The following TBL1X variants were observed in gnomAD, a reference collection of about 807,000 sequenced individuals.
TBL1X encodes F-box-like/WD repeat-containing protein TBL1X.
In TBL1X, 10 loss-of-function variants were observed where a neutral mutation model predicts 50.7. The ratio of observed to expected loss-of-function variants is 0.20; its 90% CI spans 0.12 to 0.33. The LOEUF is 0.33. Among genes scored for constraint, TBL1X ranks in the 10% least tolerant of loss-of-function variants. The pLI is 1.00. For synonymous variants in TBL1X, 190 were observed against 214.7 expected, an observed-to-expected ratio of 0.88 and a Z score of 1.01; for missense variants, 340 against 504.4, an observed-to-expected ratio of 0.67 and a Z score of 3.12.
intron 5 of TBL1X, among the ~76,000 whole-genome samples, chrX:9,675,021 G>T (rs754196560): frequency 9.0e-6 from 1 of 111,493 alleles, no homozygotes; most frequent in African/African-American, 3.3e-5. Context: ...TCTATTGTTC[G>T]CATAACATAC....
At chrX:9,608,968 A>G (rs772538001) in intron 2 of TBL1X, among the ~76,000 whole-genome samples, 1 of 111,699 alleles carries the variant, frequency 9.0e-6, no homozygotes, top group South Asian at 3.7e-4. Context: ...TAAATATTTA[A>G]TGTTGTGTTT....
intron 1 of TBL1X, among the ~76,000 whole-genome samples, chrX:9,491,338 A>ATATATATATATT (rs1328551249): frequency 2.9e-4 from 9 of 31,312 alleles, no homozygotes; most frequent in African/African-American, 3.5e-4. Flanking sequence ...ATATATATAT[A>ATATATATATATT]TTTTTTTTTT....
chrX:9,469,864 G>A (rs1267005259), intron 1 of TBL1X, among the ~76,000 whole-genome samples: 1 of 112,370 alleles, frequency 8.9e-6, no homozygotes, highest in African/African-American at 3.2e-5. Flanking sequence ...ATGGTGGAAT[G>A]CCTTAGGTGA....
intron 2 of TBL1X, among the ~76,000 whole-genome samples, chrX:9,503,961 G>A (rs1196851471): frequency 8.9e-6 from 1 of 111,875 alleles, no homozygotes; most frequent in African/African-American, 3.2e-5. Flanking sequence ...AACGGGTCCT[G>A]CTCCCTGTGT....
At chrX:9,478,697 A>T (rs1171764332) in intron 1 of TBL1X, among the ~76,000 whole-genome samples, 1 of 112,374 alleles carries the variant, frequency 8.9e-6, no homozygotes, top group Non-Finnish European at 1.9e-5. Flanking sequence ...GCAGATTCCC[A>T]GTTACTCCCG....
Position 9,623,144 on chromosome X carries a change from C to T in TBL1X, c.-130-17129C>T, listed in dbSNP as rs145191114. 7.5e-3 allele frequency among the ~76,000 whole-genome samples: 844 copies of T among 111,999 alleles called. 4 individuals are homozygous for T. Among genetic ancestry groups the T allele is most frequent in the Middle Eastern group, 0.037 (8 of 217 alleles). ...ATGATTTGATGCAAAGGTTAACCCACTGTATCCTGCAAGCCAAATTTAGCC... is the reference window on the plus strand; with the variant it reads ...ATGATTTGATGCAAAGGTTAACCCATTGTATCCTGCAAGCCAAATTTAGCC... On this transcript the variant is annotated intron_variant, in intron 2 of 17. Coordinates refer to ENST00000645353, the MANE Select transcript of TBL1X (RefSeq NM_005647.4).
At chrX:9,573,357 A>G (rs900938478) in intron 2 of TBL1X, among the ~76,000 whole-genome samples, 1 of 112,348 alleles carries the variant, frequency 8.9e-6, no homozygotes, top group African/African-American at 3.2e-5. Context: ...TTTCTCTAAA[A>G]CACCAACTTT....
intron 2 of TBL1X, among the ~76,000 whole-genome samples, chrX:9,604,822 A>G (rs1386420418): frequency 2.7e-5 from 3 of 110,651 alleles, no homozygotes; most frequent in Non-Finnish European, 5.7e-5. Context: ...CTGGCCATAG[A>G]GGGTCAGGAG....
intron 2 of TBL1X, among the ~76,000 whole-genome samples, chrX:9,589,457 G>A (rs1299122450): frequency 2.7e-5 from 3 of 109,752 alleles, no homozygotes; most frequent in Non-Finnish European, 5.7e-5. Flanking sequence ...CACAAAACCC[G>A]GTCTTGATTG....
At chrX:9,716,157 C>A (rs2083277102) in intron 17 of TBL1X, 63 bp from the exon 18 acceptor site, 2 of 1,167,822 alleles carry the variant, frequency 1.7e-6, no homozygotes, top group South Asian at 3.7e-5. Context: ...TTGCCGACTT[C>A]TCACTCTAAA....
chrX:9,583,930 T>C (rs2082454990), intron 2 of TBL1X, among the ~76,000 whole-genome samples: 1 of 111,518 alleles, frequency 9.0e-6, no homozygotes, highest in African/African-American at 3.3e-5. Context: ...ATGAGAAAAA[T>C]GAAAAAAGAC....
chrX:9,597,997 T>C (rs1951587474), intron 2 of TBL1X, among the ~76,000 whole-genome samples: 1 of 112,195 alleles, frequency 8.9e-6, no homozygotes, highest in South Asian at 3.7e-4. Flanking sequence ...CATCTCAGAA[T>C]GTGAGCTTAT....
At chrX:9,579,119 G>C (rs1239542236) in intron 2 of TBL1X, among the ~76,000 whole-genome samples, 1 of 111,958 alleles carries the variant, frequency 8.9e-6, no homozygotes, top group Non-Finnish European at 1.9e-5. Context: ...GAGATGGAAA[G>C]TAAAACCACA....
chrX:9,538,318 G>A (rs1165602473), intron 2 of TBL1X, among the ~76,000 whole-genome samples: 4 of 111,583 alleles, frequency 3.6e-5, no homozygotes, highest in African/African-American at 9.8e-5. Context: ...GCAGAAAAGC[G>A]GTTCAGATTT....
intron 2 of TBL1X, among the ~76,000 whole-genome samples, chrX:9,610,054 A>G: frequency 8.9e-6 from 1 of 112,732 alleles, no homozygotes; most frequent in Admixed American, 9.4e-5. Flanking sequence ...CAAACCATGC[A>G]TCTTCATGTC....
chrX:9,596,023 G>A (rs747197017), intron 2 of TBL1X, among the ~76,000 whole-genome samples: 2 of 112,065 alleles, frequency 1.8e-5, no homozygotes, highest in East Asian at 5.6e-4. Flanking sequence ...TAAGTGTGTT[G>A]TTTTTTTCTT....
At chrX:9,553,487 G>T (rs2082280585) in intron 2 of TBL1X, among the ~76,000 whole-genome samples, 1 of 111,965 alleles carries the variant, frequency 8.9e-6, no homozygotes, top group Admixed American at 9.5e-5. Context: ...CTTTGTGACA[G>T]CAGCAACAGG....
At chrX:9,565,885 G>T (rs1682415030) in intron 2 of TBL1X, among the ~76,000 whole-genome samples, 1 of 111,573 alleles carries the variant, frequency 9.0e-6, no homozygotes, top group Admixed American at 9.5e-5. Context: ...ACTATGCAGG[G>T]AACAGCACCA....
At chrX:9,483,326 A>AT (rs975461618) in intron 1 of TBL1X, among the ~76,000 whole-genome samples, 4 of 112,308 alleles carry the variant, frequency 3.6e-5, no homozygotes, top group African/African-American at 1.3e-4. Context: ...GGAAGTAGGG[A>AT]TTTTTTTCTA....
Sources: allele counts gnomAD v4.1 joint callset (sites outside exome capture counted in the v4.1 genomes callset), GRCh38; gene constraint gnomAD v4.1.1; transcripts MANE v1.5; gene names NCBI Gene and HGNC (gene_info 2026-07-23, HGNC 2026-07-21).